The following AGMO variants were observed in gnomAD, a reference collection of about 807,000 sequenced individuals.
The protein encoded by AGMO is glyceryl-ether monooxygenase.
A neutral mutation model predicts 60.2 loss-of-function variants in AGMO; 75 were observed. That is an observed-to-expected ratio of 1.25 (90% CI 1.03 to 1.51). The LOEUF (loss-of-function observed/expected upper bound fraction) is 1.51, where lower values mean the gene tolerates loss of function less well. Ranked by LOEUF, AGMO falls within the 40% of genes most tolerant of loss-of-function variation. The pLI is 0.00. For missense variants in AGMO, 763 were observed against 525.5 expected (o/e 1.45, Z -4.42); for synonymous variants, 261 against 177.1 (o/e 1.47, Z -3.76).
At chr7:15,180,561 G>T in the AGMO span, among the ~76,000 whole-genome samples, 1 of 151,860 alleles carries the variant, frequency 6.6e-6, no homozygotes, top group African/African-American at 2.4e-5. Flanking sequence ...CCACTTAAGT[G>T]ATCTCTAAGA....
chr7:15,479,809 G>C (rs895081856), intron 3 of AGMO, among the ~76,000 whole-genome samples: 4 of 152,088 alleles, frequency 2.6e-5, no homozygotes, highest in African/African-American at 9.7e-5. Context: ...AAGGAGACAG[G>C]CATATAAATA....
chr7:15,213,482 T>A lies in AGMO; in HGVS notation c.1264-12123A>T, dbSNP rs141952576. ...TTTCCCCAGATAGCCTCCAGGAAAA[T>A]TTAAATTTATAATAAAAAGGATACA... On this transcript the variant is annotated intron_variant, in intron 12 of 12. Transcript: ENST00000342526. Among the ~76,000 whole-genome samples, 470 of 151,664 alleles carry A rather than the reference T, an allele frequency of 3.1e-3. 1 individual carries two copies. The highest frequency in any genetic ancestry group is 0.011 in the African/African-American group (437 of 41,418).
rs1438694361 is a variant in AGMO, at chr7:15,248,211, T to C, written c.1264-46852A>G. Among the ~76,000 whole-genome samples the C allele has an allele frequency of 9.9e-5, 10 of 101,116 alleles. 1 individual carries two copies. The highest frequency in any genetic ancestry group is 8.5e-4 in the South Asian group (3 of 3,512). The allele number at this position is 101,116 out of a possible 152,430, so 66.3% of individuals were successfully genotyped here. The stretch of plus-strand genomic sequence containing the variant: ...ATATATATATATATATATATATATA[T>C]ATATATATATATATCTTCATCTTCA... On this transcript the variant is annotated intron_variant, in intron 12 of 12. Transcript: ENST00000342526.
chr7:15,142,441 T>A, the AGMO span, among the ~76,000 whole-genome samples: 5 of 152,304 alleles, frequency 3.3e-5, no homozygotes, highest in Admixed American at 6.5e-5. Flanking sequence ...TTTTCATGGT[T>A]TTCTAGTGAT....
At chr7:15,284,308 C>T (rs1447709278) in intron 12 of AGMO, among the ~76,000 whole-genome samples, 1 of 151,674 alleles carries the variant, frequency 6.6e-6, no homozygotes, top group African/African-American at 2.4e-5. Context: ...TCTTTGAAAA[C>T]AAAAACAAAT....
At chr7:15,263,715 T>C (rs1339393658) in intron 12 of AGMO, among the ~76,000 whole-genome samples, 2 of 152,072 alleles carry the variant, frequency 1.3e-5, no homozygotes, top group Non-Finnish European at 2.9e-5. Flanking sequence ...TGGTATACCA[T>C]GGAACACTAC....
chr7:15,253,717 C>T (rs1009722188), intron 12 of AGMO, among the ~76,000 whole-genome samples: 8 of 152,086 alleles, frequency 5.3e-5, no homozygotes, highest in African/African-American at 1.7e-4. Flanking sequence ...AAAATTCTCT[C>T]TTCTAGCTAT....
intron 3 of AGMO, among the ~76,000 whole-genome samples, chr7:15,453,605 G>A (rs970313258): frequency 3.9e-5 from 6 of 152,110 alleles, no homozygotes; most frequent in Admixed American, 6.5e-5. Context: ...GCATTTCTCC[G>A]GGTAAAAAAA....
intron 12 of AGMO, among the ~76,000 whole-genome samples, chr7:15,237,855 C>T (rs1044869586): frequency 6.6e-6 from 1 of 152,132 alleles, no homozygotes; most frequent in African/African-American, 2.4e-5. Context: ...TTTCTCTGCC[C>T]CTTTGAATAT....
At chr7:15,322,586 A>G (rs376881893) in intron 12 of AGMO, among the ~76,000 whole-genome samples, 1 of 31,444 alleles carries the variant, frequency 3.2e-5, no homozygotes, top group Admixed American at 7.2e-4. Flanking sequence ...ATATATATAA[A>G]TATATAAATA....
chr7:15,542,278 T>C (rs908846962), intron 3 of AGMO, among the ~76,000 whole-genome samples: 1 of 152,160 alleles, frequency 6.6e-6, no homozygotes. Context: ...AGCCTGAAGG[T>C]TGTGAATGTT....
intron 12 of AGMO, chr7:15,306,637 A>G (rs1780623368): frequency 5.0e-6 from 2 of 401,598 alleles, no homozygotes; most frequent in Non-Finnish European, 9.9e-6. Context: ...AATATGGTTT[A>G]TGGCACTATT....
At chr7:15,550,607 A>T (rs1217432918) in intron 2 of AGMO, among the ~76,000 whole-genome samples, 1 of 151,656 alleles carries the variant, frequency 6.6e-6, no homozygotes, top group Non-Finnish European at 1.5e-5. Context: ...CTCTCCCAAG[A>T]CTAAACCAGG....
At chr7:15,254,042 A>G (rs537455216) in intron 12 of AGMO, among the ~76,000 whole-genome samples, 2 of 152,290 alleles carry the variant, frequency 1.3e-5, no homozygotes, top group South Asian at 4.1e-4. Context: ...CAAATATGAT[A>G]GAATTTTATC....
the AGMO span, among the ~76,000 whole-genome samples, chr7:15,187,181 T>C: frequency 2.6e-5 from 4 of 152,244 alleles, no homozygotes; most frequent in African/African-American, 9.6e-5. Flanking sequence ...TGTTTCTTGC[T>C]TTTAAAATAA....
chr7:15,129,711 T>C, the AGMO span, among the ~76,000 whole-genome samples: 1 of 152,158 alleles, frequency 6.6e-6, no homozygotes, highest in African/African-American at 2.4e-5. Flanking sequence ...AATTGCATTA[T>C]GGGTGGTTTT....
chr7:15,470,891 G>C (rs28654429), intron 3 of AGMO, among the ~76,000 whole-genome samples: 1 of 151,866 alleles, frequency 6.6e-6, no homozygotes, highest in Non-Finnish European at 1.5e-5. Flanking sequence ...ATATAAGTAT[G>C]TATATATTCT....
At chr7:15,301,077 T>C (rs2128526088) in intron 12 of AGMO, among the ~76,000 whole-genome samples, 1 of 152,304 alleles carries the variant, frequency 6.6e-6, no homozygotes, top group Non-Finnish European at 1.5e-5. Flanking sequence ...ATCTTTTCTA[T>C]ATTTATATTA....
Position 15,340,263 on chromosome 7 carries a change from T to A in AGMO, c.1263+25251A>T, listed in dbSNP as rs1356195254. 3.3e-5 allele frequency among the ~76,000 whole-genome samples: 5 copies of A among 152,252 alleles called. No homozygotes were observed. The East Asian group carries it at 9.7e-4, about 29-fold the overall frequency. On this transcript the variant is annotated intron_variant, in intron 12 of 12. Transcript: ENST00000342526. The stretch of plus-strand genomic sequence containing the variant: ...CAGTTTGACTGTGACCCATCACATG[T>A]CACATGAGGCCAGGTGTGGAATTTT...
Sources: gnomAD v4.1 joint callset for allele counts (sites outside exome capture counted in the v4.1 genomes callset) on GRCh38, gnomAD v4.1.1 for gene constraint, MANE v1.5 for transcripts, NCBI Gene and HGNC (gene_info 2026-07-23, HGNC 2026-07-21) for gene names.